KHDC1: variants seen among roughly 807,000 people sequenced by gnomAD.
The protein encoded by KHDC1 is KH homology domain-containing protein 1.
A neutral mutation model predicts 24.7 loss-of-function variants in KHDC1; 21 were observed. That is an observed-to-expected ratio of 0.85 (90% CI 0.60 to 1.23). The LOEUF is 1.23. KHDC1 is among the 50% of genes most tolerant of loss of function. KHDC1 has a pLI of 0.00. For missense variants in KHDC1, 274 were observed against 298.5 expected (o/e 0.92, Z 0.61); for synonymous variants, 98 against 111.7 (o/e 0.88, Z 0.77).
chr6:73,241,851 C>A, intron 4 of KHDC1, 123 bp from the exon 4 acceptor site: 1 of 1,107,480 alleles, frequency 9.0e-7, no homozygotes, highest in East Asian at 2.6e-5. Context: ...TCCAAGGTAG[C>A]CCATTTACAC....
Position 73,291,932 on chromosome 6 carries a change from C to A in KHDC1, c.206+66G>T, listed in dbSNP as rs189920223. ...TGAATCTATTTTTAAAAATTTAATT[C>A]TCTAGCACAGACTCCCTTTTTTTGG... On this transcript the variant is annotated intron_variant, in intron 2 of 4. Coordinates refer to ENST00000370384, the Ensembl canonical transcript of KHDC1. The A allele has an allele frequency of 1.7e-5, 26 of 1,558,826 alleles. No individual in the cohort carries two copies. In the African/African-American group the frequency reaches 2.6e-4, roughly 15 times the overall value.
chr6:73,292,823 G>T, intron 1 of KHDC1: 1 of 705,708 alleles, frequency 1.4e-6, no homozygotes, highest in South Asian at 1.4e-5. Flanking sequence ...CCCAATTACA[G>T]AATTTGTTGA....
intron 2 of KHDC1, among the ~76,000 whole-genome samples, chr6:73,254,976 T>G (rs1318708542): frequency 6.6e-6 from 1 of 150,946 alleles, no homozygotes; most frequent in Non-Finnish European, 1.5e-5. Context: ...CACTCCAGCT[T>G]GAGGAACAAG....
intron 1 of KHDC1, among the ~76,000 whole-genome samples, chr6:73,308,056 A>C (rs1035793929): frequency 7.5e-6 from 1 of 132,656 alleles, no homozygotes; most frequent in Non-Finnish European, 1.6e-5. Flanking sequence ...GCACCGCACC[A>C]CCAGGCCCAG....
intron 2 of KHDC1, among the ~76,000 whole-genome samples, chr6:73,244,679 T>C (rs1582549250): frequency 2.0e-4 from 1 of 4,908 alleles, no homozygotes; most frequent in Non-Finnish European, 4.5e-4. Flanking sequence ...AGGCAGGGGG[T>C]TTGGGGGAGG....
intron 2 of KHDC1, chr6:73,276,289 C>G (rs1241482301): frequency 6.6e-6 from 1 of 152,000 alleles, no homozygotes; most frequent in South Asian, 2.1e-4. Context: ...GAGGTCAGGA[C>G]CAGCCTGTCC....
intron 2 of KHDC1, among the ~76,000 whole-genome samples, chr6:73,251,783 CCTTTT>C (rs202218649): frequency 0.076 from 11,457 of 149,796 alleles, 477 homozygotes; most frequent in Non-Finnish European, 0.091. Flanking sequence ...TCTTTTTTTT[CCTTTT>C]CTTTTCTTTT....
intron 2 of KHDC1, chr6:73,276,199 A>G (rs1447985633): frequency 1.3e-5 from 2 of 151,826 alleles, no homozygotes; most frequent in Non-Finnish European, 2.9e-5. Flanking sequence ...TGTCTAAAAA[A>G]AAAGAGGCCT....
At chr6:73,253,906 C>A (rs1766829360) in intron 2 of KHDC1, among the ~76,000 whole-genome samples, 1 of 151,718 alleles carries the variant, frequency 6.6e-6, no homozygotes, top group Non-Finnish European at 1.5e-5. Context: ...GCTCTGTCTC[C>A]AACAACAACA....
chr6:73,273,315 G>A (rs749729688), intron 2 of KHDC1, among the ~76,000 whole-genome samples: 23 of 150,416 alleles, frequency 1.5e-4, no homozygotes, highest in Non-Finnish European at 2.5e-4. Context: ...TTACAGGCAC[G>A]TGCCACAACG....
intron 1 of KHDC1, chr6:73,300,403 T>C (rs1268765959): frequency 7.9e-5 from 12 of 152,254 alleles, no homozygotes; most frequent in Admixed American, 6.6e-5. Flanking sequence ...GGGTTCCCAA[T>C]TGAAAATCAC....
intron 1 of KHDC1, among the ~76,000 whole-genome samples, chr6:73,293,919 T>G (rs921909866): frequency 6.7e-6 from 1 of 148,514 alleles, no homozygotes; most frequent in Non-Finnish European, 1.5e-5. Flanking sequence ...GGCAGGAGAA[T>G]CGCATGAACC....
chr6:73,294,014 AAAAAC>A (rs1181397617), intron 1 of KHDC1, among the ~76,000 whole-genome samples: 4 of 150,990 alleles, frequency 2.6e-5, no homozygotes, highest in South Asian at 2.1e-4. Flanking sequence ...TCAAAAAAAA[AAAAAC>A]AAAAAAAAAC....
intron 1 of KHDC1, chr6:73,292,631 A>G (rs1220209418): frequency 1.3e-5 from 10 of 756,748 alleles, no homozygotes; most frequent in Non-Finnish European, 2.5e-5. Flanking sequence ...TTCTTCAATC[A>G]CCCCAAAGGT....
At chr6:73,267,723 A>G (rs73460479) in intron 2 of KHDC1, among the ~76,000 whole-genome samples, 1 of 152,380 alleles carries the variant, frequency 6.6e-6, no homozygotes, top group African/African-American at 2.4e-5. Context: ...CTTGGATGCC[A>G]GTATTTATAA....
intron 2 of KHDC1, among the ~76,000 whole-genome samples, chr6:73,264,145 G>A (rs1767038572): frequency 6.6e-6 from 1 of 152,176 alleles, no homozygotes; most frequent in South Asian, 2.1e-4. Flanking sequence ...GCTGCTGTGA[G>A]CTGAGATCAC....
intron 1 of KHDC1, among the ~76,000 whole-genome samples, chr6:73,304,455 C>G (rs899781483): frequency 1.3e-5 from 2 of 152,038 alleles, no homozygotes; most frequent in African/African-American, 2.4e-5. Context: ...AGAGGCTTTT[C>G]ATGTTTTATT....
intron 2 of KHDC1, among the ~76,000 whole-genome samples, chr6:73,253,425 C>A (rs563999063): frequency 2.6e-5 from 4 of 151,694 alleles, no homozygotes; most frequent in Non-Finnish European, 5.9e-5. Flanking sequence ...TGGTGGCAGG[C>A]GCCTGTAGTA....
At chr6:73,306,735 G>A (rs985021277) in intron 1 of KHDC1, among the ~76,000 whole-genome samples, 8 of 152,326 alleles carry the variant, frequency 5.3e-5, no homozygotes, top group African/African-American at 1.7e-4. Context: ...TTAGCTGGGC[G>A]TGGTGGCTCA....
Sources: gnomAD v4.1 joint callset for allele counts (sites outside exome capture counted in the v4.1 genomes callset) on GRCh38, gnomAD v4.1.1 for gene constraint, MANE v1.5 for transcripts, NCBI Gene and HGNC (gene_info 2026-07-23, HGNC 2026-07-21) for gene names.